SNX31: variants seen among roughly 807,000 people sequenced by gnomAD.
The protein encoded by SNX31 is sorting nexin-31.
In SNX31, 58 loss-of-function variants were observed where a neutral mutation model predicts 65.4. That is an observed-to-expected ratio of 0.89 (90% CI 0.72 to 1.10). The LOEUF is 1.10. Ranked by LOEUF, SNX31 falls within the 50% of genes least tolerant of loss-of-function variation. The probability of loss-of-function intolerance (pLI) is 0.00; values close to 1 mark genes in which losing one functional copy is unlikely to be tolerated. For missense variants in SNX31, 523 were observed against 529.7 expected, an observed-to-expected ratio of 0.99 and a Z score of 0.12; for synonymous variants, 181 against 190.1, an observed-to-expected ratio of 0.95 and a Z score of 0.39.
intron 3 of SNX31, among the ~76,000 whole-genome samples, chr8:100,634,017 C>A (rs1421622239): frequency 6.6e-6 from 1 of 152,060 alleles, no homozygotes; most frequent in Admixed American, 6.6e-5. Context: ...AGGGAACTTA[C>A]CTTTCATTGT....
In SNX31 at chr8:100,596,777, G is replaced by C. The variant is rs1430820458; in HGVS notation, c.840C>G (p.Asp280Glu). Residue 280 changes from aspartate (D) to glutamate (E), a missense_variant, in exon 10 of 14, where the codon GAC becomes GAG. Transcript: ENST00000311812. ...GYLQLDPCTCDYPESGSGAVL... is the reference protein window; with the variant it reads ...GYLQLDPCTCEYPESGSGAVL... ...CAGCTCCAGAGCCTGATTCTGGGTA[G>C]TCACAGGTACAAGGATCCAGCTGCA... 4.3e-6 allele frequency: 7 copies of C among 1,614,094 alleles called. No individual in the cohort carries two copies. The African/African-American group carries it at 5.3e-5, about 12-fold the overall frequency.
chr8:100,604,775 T>C lies in SNX31; in HGVS notation c.681+3719A>G, dbSNP rs534392821. On this transcript the variant is annotated intron_variant, in intron 8 of 13. Coordinates refer to ENST00000311812, the MANE Select transcript of SNX31 (RefSeq NM_152628.4). This position sits in a 1 kb window ranked among gnomAD's most constrained non-coding sequence, Gnocchi z 4.3. ...ATTCAGTTGACTCATTGGATATCAC[T>C]GGGCACATCTGCTTTAGAAAATCAA... Among the ~76,000 whole-genome samples the C allele has an allele frequency of 5.1e-4, 77 of 152,380 alleles. 1 individual carries two copies. The highest frequency in any genetic ancestry group is 1.4e-3 in the African/African-American group (60 of 41,604).
At chr8:100,580,719 A>T (rs1813419226) in intron 12 of SNX31, among the ~76,000 whole-genome samples, 1 of 152,174 alleles carries the variant, frequency 6.6e-6, no homozygotes, top group African/African-American at 2.4e-5. Flanking sequence ...GATATTATGG[A>T]GCCACCCCAT....
chr8:100,574,099 A>G (rs549322527), intron 13 of SNX31, 139 bp from the exon 14 acceptor site: 1 of 523,780 alleles, frequency 1.9e-6, no homozygotes, highest in East Asian at 3.3e-5. Context: ...TATTTTAAAC[A>G]GTTTTATTCT....
At chr8:100,605,491 CTT>C (rs1275151719) in intron 8 of SNX31, among the ~76,000 whole-genome samples, 1 of 152,128 alleles carries the variant, frequency 6.6e-6, no homozygotes, top group Non-Finnish European at 1.5e-5. Context: ...TTTTTGGAGA[CTT>C]TGCCAGGCAA....
rs192140770 is a variant in SNX31 at position 100,581,286 on chromosome 8, G to A, written c.1170+2825C>T. Among the ~76,000 whole-genome samples the A allele has an allele frequency of 1.8e-3, 256 of 142,590 alleles. 1 individual carries two copies. The highest frequency in any genetic ancestry group is 2.0e-3 in the African/African-American group (68 of 33,748). 93.5% of individuals were successfully genotyped at this position (142,590 alleles called of 152,430 possible). A position where few individuals can be genotyped will look rare whatever the true frequency, so the allele number is the denominator to read the frequency against. The stretch of plus-strand genomic sequence containing the variant: ...TGCACTCCAGCCTGGGTGACAGAGC[G>A]TGACCCTGTCTTTAAAAAAATTTTT... On this transcript the variant is annotated intron_variant, in intron 12 of 13. Transcript: ENST00000311812.
chr8:100,617,011 G>T (rs1472890559), intron 5 of SNX31, among the ~76,000 whole-genome samples: 1 of 152,108 alleles, frequency 6.6e-6, no homozygotes, highest in Non-Finnish European at 1.5e-5. Flanking sequence ...AGAAGACAGT[G>T]TCCCCTCTGC....
At chr8:100,590,861 A>G (rs1469277113) in intron 10 of SNX31, among the ~76,000 whole-genome samples, 1 of 152,208 alleles carries the variant, frequency 6.6e-6, no homozygotes, top group Non-Finnish European at 1.5e-5. Flanking sequence ...CAGATAACGC[A>G]GTACTGTTAA....
chr8:100,629,427 C>T lies in SNX31; in HGVS notation c.321+900G>A, dbSNP rs1457319716. Among the ~76,000 whole-genome samples, 1 of 152,154 alleles carries T rather than the reference C, an allele frequency of 6.6e-6. No individual in the cohort carries two copies. Among genetic ancestry groups the T allele is most frequent in the African/African-American group, 2.4e-5 (1 of 41,436 alleles). ...CAAGAAATTGTGAAAATATGAACCA[C>T]TACAGAACAGAAGGCTCTAGGGCCA... is the stretch of plus-strand genomic sequence containing the variant. On this transcript the variant is annotated intron_variant, in intron 4 of 13. Transcript: ENST00000311812. The surrounding 1 kb of genome is among the most constrained non-coding windows in gnomAD (Gnocchi z 5.1).
intron 3 of SNX31, 119 bp downstream of exon 3, chr8:100,635,778 C>T (rs867785019): frequency 2.6e-5 from 17 of 651,820 alleles, no homozygotes; most frequent in Middle Eastern, 8.1e-4. Flanking sequence ...CGGTAATGGT[C>T]GCACAATTAA....
intron 12 of SNX31, among the ~76,000 whole-genome samples, chr8:100,577,526 C>T (rs1813146923): frequency 6.6e-6 from 1 of 152,178 alleles, no homozygotes; most frequent in African/African-American, 2.4e-5. Flanking sequence ...ATAAGGTAAA[C>T]CCAATATACC....
At chr8:100,654,408 A>G (rs1328325851), upstream of SNX31, among the ~76,000 whole-genome samples, 2 of 152,260 alleles carry the variant, frequency 1.3e-5, no homozygotes, top group Non-Finnish European at 2.9e-5. Flanking sequence ...GAGAAGAGTC[A>G]GGATTCAAAT....
At chr8:100,585,290 T>C (rs539984454) in intron 11 of SNX31, among the ~76,000 whole-genome samples, 2 of 152,320 alleles carry the variant, frequency 1.3e-5, no homozygotes, top group East Asian at 3.9e-4. Context: ...TTTTCTCCTT[T>C]GGCCCTACTA....
intron 9 of SNX31, among the ~76,000 whole-genome samples, chr8:100,598,955 A>C (rs1815361049): frequency 6.6e-6 from 1 of 152,236 alleles, no homozygotes; most frequent in African/African-American, 2.4e-5. Flanking sequence ...ATTTAGATCA[A>C]ATGACTCTTT....
rs1350676603 is a variant in SNX31 at position 100,572,956 on chromosome 8, G to C, written c.*909C>G. The C allele has an allele frequency of 1.3e-5, 2 of 152,202 alleles. No individual in the cohort carries two copies. Among genetic ancestry groups the C allele is most frequent in the African/African-American group, 2.4e-5 (1 of 41,308 alleles). 9.4% of individuals were successfully genotyped at this position (152,202 alleles called of 1,614,324 possible). On this transcript the variant is annotated 3_prime_UTR_variant, in exon 14 of 14. Transcript: ENST00000311812. ...AACCCAGTTAGAACATTAGAATATTGTACTTTTTCTAATTACACTATACAG... is the reference window on the plus strand; with the variant it reads ...AACCCAGTTAGAACATTAGAATATTCTACTTTTTCTAATTACACTATACAG...
chr8:100,663,145 T>C (rs901340565), exon 1 of SNX31: 1 of 152,244 alleles, frequency 6.6e-6, no homozygotes, highest in Non-Finnish European at 1.5e-5. Context: ...AACCTACCTT[T>C]CGCGCAGCGC....
intron 7 of SNX31, 74 bp downstream of exon 7, chr8:100,611,926 G>A (rs911008477): frequency 2.9e-5 from 33 of 1,141,524 alleles, no homozygotes; most frequent in African/African-American, 7.6e-5. Flanking sequence ...AGGATGTGAC[G>A]GGACTCTGGT....
At chr8:100,654,369 TAA>T (rs527667896), upstream of SNX31, among the ~76,000 whole-genome samples, 311 of 152,240 alleles carry the variant, frequency 2.0e-3, no homozygotes, top group African/African-American at 7.2e-3. Flanking sequence ...GGGAAATCAA[TAA>T]CTCACCCGAA....
In SNX31 at chr8:100,630,490, G is replaced by T. The variant is rs1281093932; in HGVS notation, c.257-99C>A. On this transcript the variant is annotated intron_variant, in intron 3 of 13. Transcript: ENST00000311812. This position sits in a 1 kb window ranked among gnomAD's most constrained non-coding sequence, Gnocchi z 5.3. Reference sequence around the variant, plus strand: ...AGAGATCCCTCCATGCCTTGCCAGTGCTCTGTCTCCTCCCTGAAGTGATAA... The same window carrying T: ...AGAGATCCCTCCATGCCTTGCCAGTTCTCTGTCTCCTCCCTGAAGTGATAA... 4 of 938,656 alleles carry T rather than the reference G, an allele frequency of 4.3e-6. No individual in the cohort carries two copies. Among genetic ancestry groups the T allele is most frequent in the Middle Eastern group, 2.5e-4 (1 of 4,024 alleles). 58.1% of individuals were successfully genotyped at this position (938,656 alleles called of 1,614,324 possible). A position where few individuals can be genotyped will look rare whatever the true frequency, so the allele number is the denominator to read the frequency against.
Sources: gnomAD v4.1 joint callset for allele counts (sites outside exome capture counted in the v4.1 genomes callset) on GRCh38, gnomAD v4.1.1 for gene constraint, Gnocchi (gnomAD v3.1) non-coding constraint, MANE v1.5 for transcripts, NCBI Gene and HGNC (gene_info 2026-07-23, HGNC 2026-07-21) for gene names.